The following ANKRD30B variants were observed in gnomAD, a reference collection of about 807,000 sequenced individuals.
ANKRD30B encodes ankyrin repeat domain 30B.
A neutral mutation model predicts 202.2 loss-of-function variants in ANKRD30B; 144 were observed. That is an observed-to-expected ratio of 0.71 (90% CI 0.62 to 0.82). The LOEUF (loss-of-function observed/expected upper bound fraction) is 0.82, where lower values mean the gene tolerates loss of function less well. Among genes scored for constraint, ANKRD30B ranks in the 40% least tolerant of loss-of-function variants. The probability of loss-of-function intolerance (pLI) is 0.00; values close to 1 mark genes in which losing one functional copy is unlikely to be tolerated. For synonymous variants in ANKRD30B, 508 were observed against 561.3 expected (o/e 0.91, Z 1.34); for missense variants, 1,487 against 1,669.1 (o/e 0.89, Z 1.90).
the ANKRD30B span, among the ~76,000 whole-genome samples, chr18:14,931,039 A>G: frequency 6.6e-6 from 1 of 152,350 alleles, no homozygotes; most frequent in Non-Finnish European, 1.5e-5. Context: ...CAGCATTTAC[A>G]GAAGCATTCC....
intron 32 of ANKRD30B, chr18:14,825,308 C>A (rs1266483294): frequency 6.6e-6 from 1 of 152,334 alleles, no homozygotes; most frequent in Non-Finnish European, 1.5e-5. Flanking sequence ...CCTGTCAGTG[C>A]AGCTAAGGGG....
the ANKRD30B span, among the ~76,000 whole-genome samples, chr18:14,877,341 A>G: frequency 4.7e-5 from 7 of 150,238 alleles, no homozygotes; most frequent in Non-Finnish European, 1.0e-4. Context: ...GAATGAATGA[A>G]TGAATGAATG....
chr18:14,748,783 C>A, intron 1 of ANKRD30B, 143 bp downstream of exon 1: 2 of 945,858 alleles, frequency 2.1e-6, no homozygotes, highest in South Asian at 1.8e-5. Flanking sequence ...GTCCTGGGCC[C>A]CGAGGTCTTG....
chr18:14,750,286 A>G (rs1304302433), intron 1 of ANKRD30B, among the ~76,000 whole-genome samples: 1 of 152,180 alleles, frequency 6.6e-6, no homozygotes, highest in African/African-American at 2.4e-5. Flanking sequence ...TTAGAGATCT[A>G]AATTGCAGAT....
intron 14 of ANKRD30B, among the ~76,000 whole-genome samples, chr18:14,786,177 A>G (rs1968074231): frequency 6.6e-6 from 1 of 152,136 alleles, no homozygotes; most frequent in Non-Finnish European, 1.5e-5. Flanking sequence ...ACCTGACTCA[A>G]ATAGTTGTAA....
Position 14,850,079 on chromosome 18 carries a change from A to G in ANKRD30B, c.3396-135A>G, listed in dbSNP as rs113726044. The stretch of plus-strand genomic sequence containing the variant: ...GGTTACGGAGTAATGAATACCAGAG[A>G]ACTAGAAAGAAAAAAAAAATTCAGG... On this transcript the variant is annotated intron_variant, in intron 40 of 43. Coordinates refer to ENST00000690538, the MANE Select transcript of ANKRD30B (RefSeq NM_001367607.2). 65 of 608,058 alleles carry G rather than the reference A, an allele frequency of 1.1e-4. No homozygotes were observed. In the African/African-American group the frequency reaches 1.2e-3, roughly 11 times the overall value. 37.7% of individuals were successfully genotyped at this position (608,058 alleles called of 1,614,324 possible).
chr18:14,841,461 A>G (rs1190077127), intron 37 of ANKRD30B, among the ~76,000 whole-genome samples: 1 of 152,198 alleles, frequency 6.6e-6, no homozygotes, highest in African/African-American at 2.4e-5. Flanking sequence ...ATAGAAGTTC[A>G]AGACATAACA....
intron 12 of ANKRD30B, 128 bp downstream of exon 12, chr18:14,782,742 A>C: frequency 1.9e-6 from 1 of 529,560 alleles, no homozygotes; most frequent in Non-Finnish European, 3.2e-6. Flanking sequence ...AGAGGAGTAA[A>C]ATGATAAGTT....
intron 22 of ANKRD30B, among the ~76,000 whole-genome samples, chr18:14,800,401 T>C (rs1568027470): frequency 1.3e-5 from 2 of 151,088 alleles, no homozygotes; most frequent in Non-Finnish European, 2.9e-5. Context: ...CTTGGCGCAC[T>C]GCAAGCTCCA....
chr18:14,873,368 A>G, the ANKRD30B span, among the ~76,000 whole-genome samples: 1 of 151,984 alleles, frequency 6.6e-6, no homozygotes, highest in African/African-American at 2.4e-5. Context: ...TACTAAAAAT[A>G]CAAAAAATTA....
the ANKRD30B span, among the ~76,000 whole-genome samples, chr18:14,911,638 T>A: frequency 6.6e-6 from 1 of 152,162 alleles, no homozygotes; most frequent in African/African-American, 2.4e-5. Context: ...GGCTTCAAGA[T>A]TGTTTTTTCC....
chr18:14,844,960 G>A lies in ANKRD30B; in HGVS notation c.3181+1864G>A, dbSNP rs2143213658. Among the ~76,000 whole-genome samples the A allele has an allele frequency of 2.6e-5, 4 of 152,028 alleles. No individual in the cohort carries two copies. In the Middle Eastern group the frequency reaches 0.01, roughly 388 times the overall value. The stretch of plus-strand genomic sequence containing the variant: ...TGATTTTTTTTTAAAACTTGTTTAA[G>A]TTCTTGTACATTCTGGATTTAGCCC... On this transcript the variant is annotated intron_variant, in intron 39 of 43. Coordinates refer to ENST00000690538, the MANE Select transcript of ANKRD30B (RefSeq NM_001367607.2).
chr18:14,905,144 G>A, the ANKRD30B span, among the ~76,000 whole-genome samples: 1 of 152,192 alleles, frequency 6.6e-6, no homozygotes, highest in Non-Finnish European at 1.5e-5. Flanking sequence ...TCTAAAATGG[G>A]AGTCATGAAT....
chr18:14,808,884 T>C, intron 26 of ANKRD30B, 140 bp downstream of exon 26: 1 of 778,292 alleles, frequency 1.3e-6, no homozygotes, highest in Non-Finnish European at 2.0e-6. Context: ...AATGTTAGTA[T>C]TTATGTTTGA....
At chr18:14,775,317 A>G (rs1398989876) in intron 9 of ANKRD30B, among the ~76,000 whole-genome samples, 1 of 152,228 alleles carries the variant, frequency 6.6e-6, no homozygotes, top group African/African-American at 2.4e-5. Context: ...TTAGTTCTGA[A>G]GTTGTTTGTC....
the ANKRD30B span, among the ~76,000 whole-genome samples, chr18:14,901,179 A>G: frequency 1.3e-5 from 2 of 152,158 alleles, no homozygotes; most frequent in Non-Finnish European, 2.9e-5. Flanking sequence ...TGTGTCTTTA[A>G]CCATGGCTAT....
intron 1 of ANKRD30B, among the ~76,000 whole-genome samples, chr18:14,751,007 C>G (rs951827731): frequency 6.6e-6 from 1 of 151,950 alleles, no homozygotes; most frequent in Non-Finnish European, 1.5e-5. Context: ...GGAGGAGCAG[C>G]AATATGTATT....
At chr18:14,883,538 T>A in the ANKRD30B span, 2 of 149,544 alleles carry the variant, frequency 1.3e-5, no homozygotes, top group Non-Finnish European at 3.0e-5. Flanking sequence ...TCTTTTTAGG[T>A]CTTATTCTCA....
At chr18:14,756,109 G>T (rs1318808367) in intron 4 of ANKRD30B, among the ~76,000 whole-genome samples, 1 of 152,174 alleles carries the variant, frequency 6.6e-6, no homozygotes, top group Non-Finnish European at 1.5e-5. Context: ...ACTAGTGTGA[G>T]ATGGTATCTC....
Sources: allele counts gnomAD v4.1 joint callset (sites outside exome capture counted in the v4.1 genomes callset), GRCh38; gene constraint gnomAD v4.1.1; transcripts MANE v1.5; gene names NCBI Gene and HGNC (gene_info 2026-07-23, HGNC 2026-07-21).